Variants in F10 observed in about 807,000 individuals in gnomAD.
The protein encoded by F10 is Stuart-Prower factor.
Under a neutral mutation model 37.1 loss-of-function variants are expected in F10, and 29 were observed. The observed-to-expected ratio is 0.78, with a 90% CI of 0.58 to 1.07. The LOEUF (loss-of-function observed/expected upper bound fraction) is 1.07, where lower values mean the gene tolerates loss of function less well. F10 is among the 50% of genes least tolerant of loss of function. The probability of loss-of-function intolerance (pLI) is 0.00; values close to 1 mark genes in which losing one functional copy is unlikely to be tolerated. For synonymous variants in F10, 262 were observed against 268.6 expected, an observed-to-expected ratio of 0.98 and a Z score of 0.24; for missense variants, 539 against 667.9, an observed-to-expected ratio of 0.81 and a Z score of 2.13.
chr13:113,148,343 AAAATATAT>A (rs1323470580), intron 7 of F10, among the ~76,000 whole-genome samples: 2 of 99,204 alleles, frequency 2.0e-5, no homozygotes, highest in Admixed American at 2.7e-4. Flanking sequence ...AAAAAAAAAA[AAAATATAT>A]ATATATATAT....
chr13:113,129,333 A>G (rs2036402408), intron 1 of F10, 119 bp from the exon 2 acceptor site: 1 of 1,299,618 alleles, frequency 7.7e-7, no homozygotes, highest in Admixed American at 1.8e-5. Context: ...TTTACAAGAG[A>G]GTGATCCGCC....
chr13:113,148,260 G>A (rs2036599961), intron 7 of F10, among the ~76,000 whole-genome samples: 1 of 150,826 alleles, frequency 6.6e-6, no homozygotes, highest in South Asian at 2.1e-4. Context: ...GAACCCGGGA[G>A]GTGGAGGTTG....
chr13:113,125,189 T>A (rs1269041796), intron 1 of F10, among the ~76,000 whole-genome samples: 3 of 152,254 alleles, frequency 2.0e-5, no homozygotes, highest in Non-Finnish European at 4.4e-5. Context: ...TTTTCTGCAA[T>A]CCAACTTTTT....
intron 4 of F10, chr13:113,140,617 G>A (rs2036518572): frequency 1.7e-6 from 1 of 605,222 alleles, no homozygotes; most frequent in East Asian, 3.8e-5. Context: ...GCCACACAGA[G>A]GGATGTGGAG....
In F10 at chr13:113,129,727, G is replaced by A. The variant is rs149826553; in HGVS notation, c.231+115G>A. The A allele has an allele frequency of 6.8e-4, 962 of 1,415,298 alleles. 3 individuals are homozygous for A. The African/African-American group carries it at 0.011, about 16-fold the overall frequency. 87.7% of individuals were successfully genotyped at this position (1,415,298 alleles called of 1,614,324 possible). ...GCCTGGAGGAAGGGGCAGCGTGCGC[G>A]AAGGCTTTCAGGGGCGGGGCCCAGC... On this transcript the variant is annotated intron_variant, in intron 2 of 7. Transcript: ENST00000375559.
chr13:113,147,261 C>G (rs1187747267), intron 6 of F10, 118 bp from the exon 7 acceptor site: 1 of 742,584 alleles, frequency 1.3e-6, no homozygotes, highest in Non-Finnish European at 2.5e-6. Flanking sequence ...GGCAGGAGAC[C>G]GAAGAGGACA....
chr13:113,132,042 CACGTCTATCTAGA>C (rs1279453286), intron 2 of F10: 1 of 152,274 alleles, frequency 6.6e-6, no homozygotes, highest in Non-Finnish European at 1.5e-5. Context: ...GCAACATTGA[CACGTCTATCTAGA>C]AAATTTTAAT....
intron 5 of F10, among the ~76,000 whole-genome samples, chr13:113,142,678 C>T (rs900017998): frequency 6.8e-6 from 1 of 148,026 alleles, no homozygotes. Context: ...GTAATCCCAG[C>T]ACTTTGGGAA....
chr13:113,149,049 C>T lies in F10; in HGVS notation c.999C>T (p.Thr333=). 3 of 1,613,486 alleles carry T rather than the reference C, an allele frequency of 1.9e-6. No individual in the cohort carries two copies. The highest frequency in any genetic ancestry group is 2.5e-6 in the Non-Finnish European group (3 of 1,180,028). The change falls in exon 8 of 8, where the codon ACC becomes ACT. Residue 333 remains threonine, a synonymous_variant. Coordinates refer to ENST00000375559, the MANE Select transcript of F10 (RefSeq NM_000504.4). This position sits in a 1 kb window ranked among gnomAD's most constrained non-coding sequence, Gnocchi z 7.5. ...TGCTCCGGCTCAAGACCCCCATCAC[C>T]TTCCGCATGAACGTGGCGCCTGCCT... ...IAVLRLKTPI[T]FRMNVAPACL...
In F10 at chr13:113,136,191, G is replaced by A. The variant is rs1182296418; in HGVS notation, c.232-2266G>A. Among the ~76,000 whole-genome samples, 3 of 152,174 alleles carry A rather than the reference G, an allele frequency of 2.0e-5. No individual in the cohort carries two copies. In the East Asian group the frequency reaches 5.8e-4, roughly 29 times the overall value. On this transcript the variant is annotated intron_variant, in intron 2 of 7. Coordinates refer to ENST00000375559, the MANE Select transcript of F10 (RefSeq NM_000504.4). Reference sequence around the variant, plus strand: ...TGCAGATAAAAACCACAATAAGAACGACTATATACTCATAGAGTAAAAAAC... The same window carrying A: ...TGCAGATAAAAACCACAATAAGAACAACTATATACTCATAGAGTAAAAAAC...
At chr13:113,147,620 G>C (rs2036594266) in intron 7 of F10, 124 bp downstream of exon 7, 1 of 726,296 alleles carries the variant, frequency 1.4e-6, no homozygotes, top group African/African-American at 1.7e-5. Flanking sequence ...CCTATTTGTA[G>C]GGGTTAGGGG....
Position 113,148,345 on chromosome 13 carries a change from A to AATATATATATAT in F10, c.866-564_866-553dup, listed in dbSNP as rs1555396300. ...AACTCTGTCTCAAAAAAAAAAAAAA[A>AATATATATATAT]ATATATATATATATATATGTATATA... is the stretch of plus-strand genomic sequence containing the variant. On this transcript the variant is annotated intron_variant, in intron 7 of 7. Coordinates refer to ENST00000375559, the MANE Select transcript of F10 (RefSeq NM_000504.4). 5.5e-4 allele frequency among the ~76,000 whole-genome samples: 52 copies of AATATATATATAT among 95,412 alleles called. 1 individual carries two copies. Among genetic ancestry groups the AATATATATATAT allele is most frequent in the African/African-American group, 1.9e-3 (49 of 25,282 alleles). The allele number at this position is 95,412 out of a possible 152,430, so 62.6% of individuals were successfully genotyped here. A position where few individuals can be genotyped will look rare whatever the true frequency, so the allele number is the denominator to read the frequency against.
At chr13:113,127,862 G>C (rs2036385207) in intron 1 of F10, among the ~76,000 whole-genome samples, 1 of 152,136 alleles carries the variant, frequency 6.6e-6, no homozygotes. Flanking sequence ...CAGGCTGAAG[G>C]GGCACAGCTT....
At position 113,129,431 on chromosome 13, in the gene F10, C is replaced by T. The variant is rs895602638; in HGVS notation, c.71-21C>T. On this transcript the variant is annotated intron_variant, in intron 1 of 7. Coordinates refer to ENST00000375559, the MANE Select transcript of F10 (RefSeq NM_000504.4). ...GGTGAGGGTGACCAGAGCTTTTAAC[C>T]CTGTCCTCCCTGCCTTCCAGTGTTC... is the stretch of plus-strand genomic sequence containing the variant. 8 of 1,596,638 alleles carry T rather than the reference C, an allele frequency of 5.0e-6. No homozygotes were observed. In the East Asian group the frequency reaches 6.7e-5, roughly 13 times the overall value.
chr13:113,122,844 C>A lies in F10; in HGVS notation c.-12C>A. 1 of 1,609,448 alleles carries A rather than the reference C, an allele frequency of 6.2e-7. No individual in the cohort carries two copies. On this transcript the variant is annotated 5_prime_UTR_variant, in exon 1 of 8. Transcript: ENST00000375559. ...TCCCAGTGAGGACAGGGACACAGTA[C>A]TCGGCCACACCATGGGGCGCCCACT...
At chr13:113,123,921 C>T (rs541692637) in intron 1 of F10, among the ~76,000 whole-genome samples, 61 of 152,308 alleles carry the variant, frequency 4.0e-4, no homozygotes, top group African/African-American at 1.4e-3. Context: ...CTCCAACTCG[C>T]CCAGCCTTCT....
Position 113,138,466 on chromosome 13 carries a change from T to G in F10, c.241T>G (p.Trp81Gly), listed in dbSNP as rs1595092916. ...TCTTTTTTCCTTTTAGAATGAATTC[T>G]GGAATAAATACAAAGGTCAGTATTT... ...FEDSDKTNEF[W>G]NKYKDGDQCE... The change falls in exon 3 of 8, where the codon TGG becomes GGG. Residue 81 changes from tryptophan (W) to glycine (G), a missense_variant. Physicochemically the swap from Trp to Gly is radical, Grantham distance 184. Transcript: ENST00000375559. 1 of 1,363,426 alleles carries G rather than the reference T, an allele frequency of 7.3e-7. No homozygotes were observed. The highest frequency in any genetic ancestry group is 1.0e-6 in the Non-Finnish European group (1 of 958,112). The allele number at this position is 1,363,426 out of a possible 1,614,324, so 84.5% of individuals were successfully genotyped here.
At chr13:113,124,574 A>C (rs1425917252) in intron 1 of F10, among the ~76,000 whole-genome samples, 2 of 152,220 alleles carry the variant, frequency 1.3e-5, no homozygotes, top group Non-Finnish European at 2.9e-5. Context: ...GGTGGGGCTG[A>C]ACACAGGTCC....
intron 5 of F10, among the ~76,000 whole-genome samples, chr13:113,142,801 G>A (rs1018986724): frequency 2.0e-5 from 3 of 151,360 alleles, no homozygotes; most frequent in African/African-American, 4.9e-5. Context: ...GCGTGGTGGC[G>A]CACGCCTGTA....
Sources: gnomAD v4.1 joint callset for allele counts (sites outside exome capture counted in the v4.1 genomes callset) on GRCh38, gnomAD v4.1.1 for gene constraint, Gnocchi (gnomAD v3.1) non-coding constraint, MANE v1.5 for transcripts, NCBI Gene and HGNC (gene_info 2026-07-23, HGNC 2026-07-21) for gene names.